PPEF1: variants seen among roughly 807,000 people sequenced by gnomAD.
PPEF1 encodes the protein protein phosphatase with EF-hand domain 1.
A neutral mutation model predicts 53.3 loss-of-function variants in PPEF1; 12 were observed. That is an observed-to-expected ratio of 0.23 (90% CI 0.14 to 0.36). The LOEUF (loss-of-function observed/expected upper bound fraction) is 0.36, where lower values mean the gene tolerates loss of function less well. Among genes scored for constraint, PPEF1 ranks in the 10% least tolerant of loss-of-function variants. The probability of loss-of-function intolerance (pLI) is 1.00; values close to 1 mark genes in which losing one functional copy is unlikely to be tolerated. For missense variants in PPEF1, 334 were observed against 490.4 expected (o/e 0.68, Z 3.01); for synonymous variants, 165 against 176.7 (o/e 0.93, Z 0.52).
At chrX:18,778,206 T>A (rs1968270868) in intron 6 of PPEF1, among the ~76,000 whole-genome samples, 1 of 111,030 alleles carries the variant, frequency 9.0e-6, no homozygotes, top group African/African-American at 3.3e-5. Flanking sequence ...ATCGAGAAAA[T>A]GTAGGCATGT....
chrX:18,769,892 C>T (rs980595595), intron 6 of PPEF1, among the ~76,000 whole-genome samples: 11 of 111,795 alleles, frequency 9.8e-5, no homozygotes, highest in Non-Finnish European at 2.1e-4. Context: ...GGATAATTTC[C>T]AGATGTCTGT....
chrX:18,693,960 C>A (rs1929564547), intron 4 of PPEF1, among the ~76,000 whole-genome samples: 1 of 111,461 alleles, frequency 9.0e-6, no homozygotes, highest in Non-Finnish European at 1.9e-5. Context: ...TCCTGCTAGC[C>A]CTTTGTAGTC....
intron 3 of PPEF1, among the ~76,000 whole-genome samples, chrX:18,739,702 C>T (rs1175918279): frequency 8.9e-6 from 1 of 112,341 alleles, no homozygotes; most frequent in Non-Finnish European, 1.9e-5. Flanking sequence ...GTTTCTGCTG[C>T]CTTTTGTTCA....
chrX:18,803,070 A>G (rs766138495), intron 10 of PPEF1, among the ~76,000 whole-genome samples: 1 of 112,310 alleles, frequency 8.9e-6, no homozygotes, highest in Non-Finnish European at 1.9e-5. Flanking sequence ...CACAACCTTC[A>G]GAGCTGAGAG....
At chrX:18,713,712 T>C (rs1396115838) in intron 1 of PPEF1, among the ~76,000 whole-genome samples, 1 of 111,735 alleles carries the variant, frequency 8.9e-6, no homozygotes, top group Non-Finnish European at 1.9e-5. Flanking sequence ...TACTCCCTCA[T>C]CATTCCACTA....
At chrX:18,677,363 A>G (rs1928716205) in intron 1 of PPEF1, among the ~76,000 whole-genome samples, 1 of 111,891 alleles carries the variant, frequency 8.9e-6, no homozygotes, top group Non-Finnish European at 1.9e-5. Context: ...TTCTGTGGTC[A>G]TTTTTATCAC....
In PPEF1 at chrX:18,824,002, G is replaced by T. The variant is rs147649125; in HGVS notation, c.1581G>T (p.Ser527=). 5 of 1,207,507 alleles carry T rather than the reference G, an allele frequency of 4.1e-6. No homozygotes were observed. In the South Asian group the frequency reaches 8.8e-5, roughly 21 times the overall value. The stretch of plus-strand genomic sequence containing the variant: ...ACTTACCATGGAGATCCCTCAGTTC[G>T]AATCTGGTAAACATAGACCAAAATG... ...GLNLPWRSLS[S]NLVNIDQNGN... The change falls in exon 14 of 16, where the codon TCG becomes TCT. Residue 527 remains serine, a synonymous_variant. Transcript: ENST00000470157.
At chrX:18,676,192 G>A (rs1411312140) in intron 1 of PPEF1, 1 of 111,318 alleles carries the variant, frequency 9.0e-6, no homozygotes, top group African/African-American at 3.3e-5. Flanking sequence ...CCATTCATGA[G>A]CTGGGTGCTC....
chrX:18,741,232 T>C (rs1356990103), intron 3 of PPEF1, among the ~76,000 whole-genome samples: 1 of 111,485 alleles, frequency 9.0e-6, no homozygotes, highest in Non-Finnish European at 1.9e-5. Flanking sequence ...AAAAATGTTT[T>C]TGAGAGGAAA....
At chrX:18,765,313 G>T (rs2045744047) in intron 6 of PPEF1, among the ~76,000 whole-genome samples, 1 of 111,508 alleles carries the variant, frequency 9.0e-6, no homozygotes, top group African/African-American at 3.3e-5. Context: ...GGTTTAAGTG[G>T]GGAAACCGAG....
chrX:18,796,212 T>C (rs2046430130), intron 10 of PPEF1, among the ~76,000 whole-genome samples: 1 of 112,466 alleles, frequency 8.9e-6, no homozygotes, highest in Non-Finnish European at 1.9e-5. Context: ...TGCCTTGGCA[T>C]CCCAAAGTGC....
At chrX:18,717,996 C>T (rs2044496785) in intron 1 of PPEF1, among the ~76,000 whole-genome samples, 1 of 111,513 alleles carries the variant, frequency 9.0e-6, no homozygotes, top group African/African-American at 3.3e-5. Flanking sequence ...ATCATGATTC[C>T]TCTCACTACC....
intron 9 of PPEF1, among the ~76,000 whole-genome samples, chrX:18,788,815 T>G (rs1385096784): frequency 8.9e-6 from 1 of 112,515 alleles, no homozygotes; most frequent in Non-Finnish European, 1.9e-5. Context: ...CTTGGTATCT[T>G]CCATTTTCTG....
In PPEF1 at chrX:18,827,394, T is replaced by C. The variant is rs2147776267; in HGVS notation, c.1869T>C (p.Asp623=). 8.3e-7 allele frequency: 1 copy of C among 1,209,356 alleles called. No homozygotes were observed. The highest frequency in any genetic ancestry group is 1.8e-5 in the South Asian group (1 of 56,922). The change falls in exon 16 of 16, where the codon GAT becomes GAC. Residue 623 remains aspartate (D), a synonymous_variant. Transcript: ENST00000470157. ...KLANIMDLNK[D]GSIDFNEFLK... Reference sequence around the variant, plus strand: ...CCAACATAATGGACTTGAACAAAGATGGAAGCATTGACTTTAATGAGTTTT... The same window carrying C: ...CCAACATAATGGACTTGAACAAAGACGGAAGCATTGACTTTAATGAGTTTT...
At chrX:18,679,708 C>G (rs907045577), upstream of PPEF1, among the ~76,000 whole-genome samples, 1 of 111,418 alleles carries the variant, frequency 9.0e-6, no homozygotes, top group African/African-American at 3.3e-5. Flanking sequence ...TCTCATCATT[C>G]TGTGCAAAAC....
intron 7 of PPEF1, among the ~76,000 whole-genome samples, chrX:18,780,777 G>C (rs1602444544): frequency 1.8e-5 from 2 of 110,628 alleles, no homozygotes; most frequent in Admixed American, 1.9e-4. Context: ...GGAATCGGCC[G>C]GGCATGGTAG....
chrX:18,750,590 T>C (rs1488722623), intron 4 of PPEF1, among the ~76,000 whole-genome samples: 1 of 112,251 alleles, frequency 8.9e-6, no homozygotes, highest in Non-Finnish European at 1.9e-5. Flanking sequence ...TTGGCTATTG[T>C]GAACAGTGCT....
At chrX:18,742,579 C>G (rs113685679) in intron 3 of PPEF1, among the ~76,000 whole-genome samples, 1 of 111,306 alleles carries the variant, frequency 9.0e-6, no homozygotes, top group African/African-American at 3.3e-5. Flanking sequence ...TACCTCTCGG[C>G]CAGGTGCAGT....
chrX:18,766,880 T>C (rs2045785053), intron 6 of PPEF1, among the ~76,000 whole-genome samples: 1 of 92,567 alleles, frequency 1.1e-5, no homozygotes, highest in Admixed American at 1.1e-4. Flanking sequence ...GGAACCCCAT[T>C]CTCTACTAAA....
Sources: gnomAD v4.1 joint callset for allele counts (sites outside exome capture counted in the v4.1 genomes callset) on GRCh38, gnomAD v4.1.1 for gene constraint, MANE v1.5 for transcripts, NCBI Gene and HGNC (gene_info 2026-07-23, HGNC 2026-07-21) for gene names.